Variants in EVL observed in about 807,000 individuals in gnomAD.
EVL encodes Enah/Vasp-like, also known as ena/VASP-like protein.
EVL carries 21 observed loss-of-function variants against 59.6 expected under a neutral mutation model. That is an observed-to-expected ratio of 0.35 (90% CI 0.25 to 0.51). EVL has a LOEUF of 0.51. Among genes scored for constraint, EVL ranks in the 20% least tolerant of loss-of-function variants. EVL has a pLI of 0.97. For missense variants in EVL, 462 were observed against 546.6 expected (o/e 0.85, Z 1.54); for synonymous variants, 198 against 203.5 (o/e 0.97, Z 0.23).
intron 11 of EVL, chr14:100,139,763 G>A (rs557147476): frequency 2.8e-4 from 43 of 152,350 alleles, no homozygotes; most frequent in African/African-American, 1.0e-3. Flanking sequence ...CCAGATAAAT[G>A]TGTGTGCCCA....
At chr14:100,051,496 ATTGCTAACTTGATTTTCTTT>A (rs1168228780) in intron 1 of EVL, among the ~76,000 whole-genome samples, 5 of 152,210 alleles carry the variant, frequency 3.3e-5, no homozygotes, top group Non-Finnish European at 7.3e-5. Flanking sequence ...TGATATTAAA[ATTGCTAACTTGATTTTCTTT>A]TTACTTATAA....
At chr14:100,078,037 G>A (rs1254583929) in intron 1 of EVL, among the ~76,000 whole-genome samples, 5 of 152,186 alleles carry the variant, frequency 3.3e-5, no homozygotes, top group Non-Finnish European at 7.3e-5. Context: ...GCCTCCCAAA[G>A]TGCTGGGATT....
Position 100,037,515 on chromosome 14 carries a change from T to C in EVL, c.6-47172T>C, listed in dbSNP as rs1230041108. On this transcript the variant is annotated intron_variant, in intron 1 of 13. Coordinates refer to the EVL transcript ENST00000402714. ...TTTGTTAACTGGATTTGTCAGTCCC[T>C]GCCTTCTAGATGATGCACTGTGGAA... Among the ~76,000 whole-genome samples the C allele has an allele frequency of 2.0e-4, 31 of 152,256 alleles. 1 individual carries two copies. Among genetic ancestry groups the C allele is most frequent in the Admixed American group, 2.0e-3 (31 of 15,288 alleles).
At chr14:99,994,031 A>AT (rs1346042286) in intron 1 of EVL, among the ~76,000 whole-genome samples, 5 of 127,110 alleles carry the variant, frequency 3.9e-5, no homozygotes, top group African/African-American at 1.5e-4. Context: ...TAGGTTGTAT[A>AT]TTTTTAGGAA....
intron 3 of EVL, 39 bp downstream of exon 3, chr14:100,097,697 C>G: frequency 6.4e-7 from 1 of 1,558,004 alleles, no homozygotes. Context: ...CTGAGACCCT[C>G]TCTTGTTCTA....
rs979926938 is a variant in EVL at position 99,979,986 on chromosome 14, A to G, written c.5+7929A>G. ...AAACAATAAAGTATAACAACTATTT[A>G]TATAGCATTTGCATTGTATTAGGTG... On this transcript the variant is annotated intron_variant, in intron 1 of 13. Coordinates refer to the EVL transcript ENST00000402714. Among the ~76,000 whole-genome samples, 11 of 152,378 alleles carry G rather than the reference A, an allele frequency of 7.2e-5. 1 individual carries two copies. In the East Asian group the frequency reaches 1.3e-3, roughly 19 times the overall value.
At chr14:100,084,578 G>A (rs911095066) in intron 1 of EVL, 109 bp from the exon 2 acceptor site, 5 of 1,185,634 alleles carry the variant, frequency 4.2e-6, no homozygotes, top group Non-Finnish European at 5.9e-6. Context: ...TCTGGCAATT[G>A]GAAAGTTTCT....
At chr14:100,054,692 T>C (rs2061699391) in intron 1 of EVL, among the ~76,000 whole-genome samples, 1 of 152,198 alleles carries the variant, frequency 6.6e-6, no homozygotes, top group African/African-American at 2.4e-5. Flanking sequence ...GTAAGGGCTG[T>C]GGCCTGTGCC....
chr14:100,141,738 G>T lies in EVL; in HGVS notation c.1164G>T (p.Glu388Asp). The change falls in exon 13 of 14, where the codon GAG becomes GAT. Residue 388 changes from glutamate to aspartate, a missense_variant and splice_region_variant. By Grantham distance (45) the Glu-to-Asp change is conservative. Transcript: ENST00000392920. ...CCTGGACACTCCTCTCCCAACAGGA[G>T]ATCCTAGAGGAGGTGGTGAGAGAGC... ...DAFDLDRMKQ[E>D]ILEEVVRELH... 6.2e-7 allele frequency: 1 copy of T among 1,613,468 alleles called. No homozygotes were observed. Among genetic ancestry groups the T allele is most frequent in the Non-Finnish European group, 8.5e-7 (1 of 1,179,858 alleles).
intron 3 of EVL, among the ~76,000 whole-genome samples, chr14:100,103,551 C>T (rs1886363213): frequency 6.6e-6 from 1 of 152,142 alleles, no homozygotes; most frequent in African/African-American, 2.4e-5. Context: ...ATTTTGCCTG[C>T]TCATGTACTG....
chr14:100,086,191 G>A (rs367785438), intron 2 of EVL, among the ~76,000 whole-genome samples: 66 of 152,302 alleles, frequency 4.3e-4, no homozygotes, highest in African/African-American at 1.5e-3. Context: ...TTGTTGATGA[G>A]CCTTAGTGGT....
At chr14:100,045,648 G>A (rs2061535606) in intron 1 of EVL, among the ~76,000 whole-genome samples, 1 of 152,252 alleles carries the variant, frequency 6.6e-6, no homozygotes, top group East Asian at 1.9e-4. Context: ...AGGACTGTCA[G>A]CTGTGCTGAC....
chr14:100,091,796 G>C (rs1184667088), intron 2 of EVL, among the ~76,000 whole-genome samples: 1 of 152,160 alleles, frequency 6.6e-6, no homozygotes, highest in African/African-American at 2.4e-5. Context: ...ACTTGCGACT[G>C]GCATCTGAAG....
chr14:100,045,349 T>C (rs1004127534), intron 1 of EVL, among the ~76,000 whole-genome samples: 10 of 152,234 alleles, frequency 6.6e-5, no homozygotes, highest in Non-Finnish European at 1.5e-4. Context: ...TGCCTTGTTA[T>C]CGCACCTGCC....
At chr14:99,983,287 T>C (rs1175265425) in intron 1 of EVL, among the ~76,000 whole-genome samples, 1 of 152,156 alleles carries the variant, frequency 6.6e-6, no homozygotes, top group Non-Finnish European at 1.5e-5. Flanking sequence ...GACATAATAT[T>C]TGGACGTAGA....
chr14:100,132,786 A>C lies in EVL; in HGVS notation c.900+7A>C. 6.2e-7 allele frequency: 1 copy of C among 1,613,942 alleles called. No homozygotes were observed. ...GGAAGATGAAAGCCAAATGGTGAGC[A>C]AGCAGCCCGCCCCACCCTCAGGCTC... is the stretch of plus-strand genomic sequence containing the variant. On this transcript the variant is annotated splice_region_variant and intron_variant, in intron 8 of 13. Transcript: ENST00000392920.
At position 100,047,698 on chromosome 14, in the gene EVL, C is replaced by T. The variant is rs554339085; in HGVS notation, c.6-36989C>T. Among the ~76,000 whole-genome samples, 6 of 152,250 alleles carry T rather than the reference C, an allele frequency of 3.9e-5. No homozygotes were observed. The South Asian group carries it at 6.2e-4, about 16-fold the overall frequency. ...GTTACACATTCTGCAACCTATATCACGGAATAAACCAGGTACCCAACCACT... is the reference window on the plus strand; with the variant it reads ...GTTACACATTCTGCAACCTATATCATGGAATAAACCAGGTACCCAACCACT... On this transcript the variant is annotated intron_variant, in intron 1 of 13. Transcript: ENST00000402714.
At chr14:100,068,532 G>A (rs1319356094) in intron 1 of EVL, among the ~76,000 whole-genome samples, 1 of 152,224 alleles carries the variant, frequency 6.6e-6, no homozygotes, top group African/African-American at 2.4e-5. Context: ...AAGAATGGAG[G>A]CAGGATGACC....
intron 1 of EVL, among the ~76,000 whole-genome samples, chr14:99,987,993 C>T (rs1282411346): frequency 6.9e-6 from 1 of 145,626 alleles, no homozygotes; most frequent in African/African-American, 2.6e-5. Flanking sequence ...TGGCTCACCA[C>T]TATCTCTGCC....
Sources: gnomAD v4.1 joint callset for allele counts (sites outside exome capture counted in the v4.1 genomes callset) on GRCh38, gnomAD v4.1.1 for gene constraint, MANE v1.5 for transcripts, NCBI Gene and HGNC (gene_info 2026-07-23, HGNC 2026-07-21) for gene names.